Variants in SOX5 observed in about 807,000 individuals in gnomAD.
SOX5 encodes SRY-box transcription factor 5.
Under a neutral mutation model 92.0 loss-of-function variants are expected in SOX5, and 9 were observed. The ratio of observed to expected loss-of-function variants is 0.10; its 90% CI spans 0.06 to 0.17. The LOEUF is 0.17. Among genes scored for constraint, SOX5 ranks in the 10% least tolerant of loss-of-function variants. The pLI, the probability that SOX5 is intolerant of heterozygous loss-of-function variation, is 1.00. For missense variants in SOX5, 642 were observed against 944.5 expected (o/e 0.68, Z 4.20); for synonymous variants, 344 against 336.3 (o/e 1.02, Z -0.25).
chr12:24,220,380 C>T (rs1960114758), intron 3 of SOX5, among the ~76,000 whole-genome samples: 1 of 150,136 alleles, frequency 6.7e-6, no homozygotes, highest in South Asian at 2.1e-4. Context: ...CACACACATT[C>T]ACACGATATA....
At chr12:24,135,799 G>A (rs906257101) in intron 4 of SOX5, among the ~76,000 whole-genome samples, 1 of 151,264 alleles carries the variant, frequency 6.6e-6, no homozygotes. Flanking sequence ...CCAAGTGGAG[G>A]GGGAGGTGGA....
intron 13 of SOX5, among the ~76,000 whole-genome samples, chr12:23,540,645 A>AGAT (rs1453431232): frequency 2.0e-5 from 3 of 152,172 alleles, no homozygotes; most frequent in African/African-American, 4.8e-5. Flanking sequence ...AATCAGAAAA[A>AGAT]GATGTCCCTC....
intron 2 of SOX5, among the ~76,000 whole-genome samples, chr12:23,862,611 G>A (rs1203213764): frequency 1.3e-5 from 2 of 152,160 alleles, no homozygotes; most frequent in African/African-American, 4.8e-5. Flanking sequence ...AGTAGTAGGT[G>A]CCATATATGA....
chr12:23,680,287 C>T (rs1012324358), intron 6 of SOX5, among the ~76,000 whole-genome samples: 1 of 133,564 alleles, frequency 7.5e-6, no homozygotes, highest in African/African-American at 2.8e-5. Flanking sequence ...GATCATGCCA[C>T]TGCACTTCAG....
chr12:24,012,485 A>G (rs1206744198), intron 4 of SOX5, among the ~76,000 whole-genome samples: 4 of 152,212 alleles, frequency 2.6e-5, no homozygotes, highest in Non-Finnish European at 5.9e-5. Context: ...TTTCAAACCC[A>G]TAATTCACAG....
rs550869556 is a variant in SOX5 at position 23,942,179 on chromosome 12, T to C, written c.38+7385A>G. Among the ~76,000 whole-genome samples, 3 of 152,006 alleles carry C rather than the reference T, an allele frequency of 2.0e-5. No individual in the cohort carries two copies. The East Asian group carries it at 5.8e-4, about 29-fold the overall frequency. ...AATAAAGTATTACTTTTTTATCTTG[T>C]GTTCTCCTAGGTGAAGGAATATTTC... is the stretch of plus-strand genomic sequence containing the variant. On this transcript the variant is annotated intron_variant, in intron 1 of 14. Transcript: ENST00000451604.
chr12:24,062,587 G>T (rs1939943149), intron 4 of SOX5, among the ~76,000 whole-genome samples: 1 of 152,218 alleles, frequency 6.6e-6, no homozygotes, highest in Non-Finnish European at 1.5e-5. Flanking sequence ...AAAAGAGCTA[G>T]GCAGAAGGGT....
At chr12:24,294,073 C>A (rs1475379879) in intron 2 of SOX5, among the ~76,000 whole-genome samples, 1 of 152,310 alleles carries the variant, frequency 6.6e-6, no homozygotes, top group South Asian at 2.1e-4. Context: ...ATCAGAAATA[C>A]ATGTGTTCGT....
At chr12:23,885,210 T>C (rs1400302944) in intron 2 of SOX5, among the ~76,000 whole-genome samples, 1 of 152,184 alleles carries the variant, frequency 6.6e-6, no homozygotes, top group Non-Finnish European at 1.5e-5. Flanking sequence ...GTTTCAAAGC[T>C]TTGTACAGTA....
intron 1 of SOX5, among the ~76,000 whole-genome samples, chr12:24,436,469 G>A (rs1162106812): frequency 2.0e-5 from 3 of 152,200 alleles, no homozygotes; most frequent in African/African-American, 4.8e-5. Context: ...TCTAGAGCAA[G>A]GCTCAAACTC....
chr12:23,607,382 A>G (rs751385193), intron 8 of SOX5, among the ~76,000 whole-genome samples: 43 of 152,318 alleles, frequency 2.8e-4, no homozygotes, highest in Non-Finnish European at 2.5e-4. Context: ...TAACTTGGCC[A>G]TTTACAAGTT....
chr12:24,191,319 C>T (rs1956502494), intron 4 of SOX5, among the ~76,000 whole-genome samples: 2 of 152,182 alleles, frequency 1.3e-5, no homozygotes, highest in Admixed American at 1.3e-4. Context: ...CCTGAGTCAG[C>T]AGTTAGTTTC....
intron 3 of SOX5, among the ~76,000 whole-genome samples, chr12:24,240,649 C>G (rs1965390041): frequency 6.6e-6 from 1 of 152,024 alleles, no homozygotes; most frequent in Non-Finnish European, 1.5e-5. Flanking sequence ...ATTTTCTATC[C>G]CAAACTAATT....
At chr12:23,807,133 G>C (rs980005964) in intron 3 of SOX5, among the ~76,000 whole-genome samples, 1 of 152,068 alleles carries the variant, frequency 6.6e-6, no homozygotes, top group South Asian at 2.1e-4. Flanking sequence ...AATTTTATGT[G>C]ACATCAATTT....
intron 6 of SOX5, among the ~76,000 whole-genome samples, chr12:23,717,860 C>T (rs1371495456): frequency 6.6e-6 from 1 of 152,150 alleles, no homozygotes; most frequent in Non-Finnish European, 1.5e-5. Flanking sequence ...TATATTCCAG[C>T]TATCTGAACA....
chr12:23,571,747 C>T (rs1047031332), intron 10 of SOX5, among the ~76,000 whole-genome samples: 2 of 152,140 alleles, frequency 1.3e-5, no homozygotes, highest in African/African-American at 4.8e-5. Flanking sequence ...AATCATAGAA[C>T]TGTCTACGCT....
At chr12:23,574,781 T>G (rs1056912760) in intron 10 of SOX5, among the ~76,000 whole-genome samples, 1 of 152,228 alleles carries the variant, frequency 6.6e-6, no homozygotes, top group Non-Finnish European at 1.5e-5. Flanking sequence ...CTGCCTAGAA[T>G]GCCTAGGAAT....
chr12:24,456,872 A>T (rs1370684693), intron 1 of SOX5, among the ~76,000 whole-genome samples: 1 of 152,256 alleles, frequency 6.6e-6, no homozygotes, highest in Non-Finnish European at 1.5e-5. Context: ...TGTGATTAGC[A>T]TTCATGATTT....
chr12:24,114,287 G>T (rs1182792259), intron 4 of SOX5, among the ~76,000 whole-genome samples: 1 of 151,976 alleles, frequency 6.6e-6, no homozygotes, highest in Non-Finnish European at 1.5e-5. Context: ...AATATTCAAA[G>T]ACATAAAAGA....
Sources: allele counts gnomAD v4.1 joint callset (sites outside exome capture counted in the v4.1 genomes callset), GRCh38; gene constraint gnomAD v4.1.1; transcripts MANE v1.5; gene names NCBI Gene and HGNC (gene_info 2026-07-23, HGNC 2026-07-21).